Variants in VAT1L observed in about 807,000 individuals in gnomAD.
VAT1L encodes the protein vesicle amine transport 1 like, also known as putative NADPH-dependent quinone oxidoreductase VAT1L.
A neutral mutation model predicts 44.1 loss-of-function variants in VAT1L; 34 were observed. The ratio of observed to expected loss-of-function variants is 0.77; its 90% CI spans 0.59 to 1.03. VAT1L has a LOEUF of 1.03. VAT1L is among the 50% of genes least tolerant of loss of function. VAT1L has a pLI of 0.00. For synonymous variants in VAT1L, 253 were observed against 202.2 expected, an observed-to-expected ratio of 1.25 and a Z score of -2.13; for missense variants, 615 against 538.8, an observed-to-expected ratio of 1.14 and a Z score of -1.40.
chr16:77,903,879 G>C (rs2017410941), intron 7 of VAT1L, among the ~76,000 whole-genome samples: 1 of 151,720 alleles, frequency 6.6e-6, no homozygotes, highest in East Asian at 1.9e-4. Context: ...TGGGACTACA[G>C]GCGTCCACCA....
intron 7 of VAT1L, among the ~76,000 whole-genome samples, chr16:77,944,071 T>C (rs2017927957): frequency 6.6e-6 from 1 of 152,284 alleles, no homozygotes; most frequent in Non-Finnish European, 1.5e-5. Flanking sequence ...GAGGGGCAGC[T>C]GGCAATGTCC....
intron 7 of VAT1L, among the ~76,000 whole-genome samples, chr16:77,887,407 A>G (rs1220114890): frequency 6.6e-6 from 1 of 152,212 alleles, no homozygotes; most frequent in African/African-American, 2.4e-5. Flanking sequence ...CTAGGCAACT[A>G]CAGAAGTCTG....
intron 1 of VAT1L, among the ~76,000 whole-genome samples, chr16:77,806,500 C>T (rs1041339518): frequency 1.3e-5 from 2 of 150,152 alleles, no homozygotes; most frequent in East Asian, 2.0e-4. Context: ...TGAGCCACCA[C>T]GCCCGGCCAA....
chr16:77,964,880 G>A (rs572605884), intron 7 of VAT1L, among the ~76,000 whole-genome samples: 23 of 140,074 alleles, frequency 1.6e-4, no homozygotes, highest in African/African-American at 4.2e-4. Flanking sequence ...CGCAACTTCC[G>A]CCTCCCCGGT....
intron 4 of VAT1L, among the ~76,000 whole-genome samples, 167 bp downstream of exon 4, chr16:77,863,057 A>G (rs1390564845): frequency 6.6e-6 from 1 of 152,226 alleles, no homozygotes; most frequent in Non-Finnish European, 1.5e-5. Context: ...AGTTCATTTA[A>G]TCCTCTTAAC....
intron 7 of VAT1L, among the ~76,000 whole-genome samples, chr16:77,886,356 A>T (rs2017209515): frequency 6.6e-6 from 1 of 152,150 alleles, no homozygotes; most frequent in East Asian, 1.9e-4. Flanking sequence ...AAGGAGAGAA[A>T]ACGGAATCAT....
intron 1 of VAT1L, among the ~76,000 whole-genome samples, chr16:77,789,556 C>A (rs780841172): frequency 2.3e-4 from 35 of 152,172 alleles, no homozygotes; most frequent in Non-Finnish European, 4.6e-4. Flanking sequence ...CTGCCCACTT[C>A]CTTCCCCGTA....
At chr16:77,939,364 T>C (rs769400190) in intron 7 of VAT1L, among the ~76,000 whole-genome samples, 4 of 152,064 alleles carry the variant, frequency 2.6e-5, no homozygotes, top group Non-Finnish European at 5.9e-5. Context: ...TGTTATATCA[T>C]AGCTCAAACC....
chr16:77,955,941 G>T (rs1297055141), intron 7 of VAT1L, among the ~76,000 whole-genome samples: 2 of 152,142 alleles, frequency 1.3e-5, no homozygotes, highest in East Asian at 3.9e-4. Flanking sequence ...TATGAAGCGG[G>T]GTCTAAAGCC....
At chr16:77,950,425 C>T (rs995925190) in intron 7 of VAT1L, among the ~76,000 whole-genome samples, 192 of 146,910 alleles carry the variant, frequency 1.3e-3, no homozygotes, top group African/African-American at 4.1e-3. Flanking sequence ...CACACACACA[C>T]ACACACACAC....
intron 7 of VAT1L, among the ~76,000 whole-genome samples, chr16:77,890,737 A>G (rs2017255806): frequency 6.6e-6 from 1 of 151,408 alleles, no homozygotes; most frequent in Admixed American, 6.6e-5. Flanking sequence ...AGCCTGAGCA[A>G]CATGGTGATA....
intron 4 of VAT1L, among the ~76,000 whole-genome samples, chr16:77,873,119 G>C (rs2017049318): frequency 6.6e-6 from 1 of 152,232 alleles, no homozygotes; most frequent in Non-Finnish European, 1.5e-5. Context: ...TCTCAGAGCT[G>C]CTTGCTAAAG....
At chr16:77,807,865 A>T (rs2016191961) in intron 1 of VAT1L, among the ~76,000 whole-genome samples, 1 of 152,190 alleles carries the variant, frequency 6.6e-6, no homozygotes, top group African/African-American at 2.4e-5. Flanking sequence ...AGAAAGCTAA[A>T]GCTAAAGATC....
intron 3 of VAT1L, among the ~76,000 whole-genome samples, chr16:77,841,288 G>C (rs1237776920): frequency 6.6e-6 from 1 of 152,168 alleles, no homozygotes; most frequent in African/African-American, 2.4e-5. Flanking sequence ...TCACTATTTG[G>C]TCCAGGCTGG....
chr16:77,890,474 C>T (rs1162164509), intron 7 of VAT1L, among the ~76,000 whole-genome samples: 4 of 152,062 alleles, frequency 2.6e-5, no homozygotes, highest in African/African-American at 4.8e-5. Context: ...TTCTCCTTTC[C>T]CTGAGGCCCA....
intron 7 of VAT1L, among the ~76,000 whole-genome samples, chr16:77,908,901 A>G (rs969820725): frequency 6.6e-6 from 1 of 152,060 alleles, no homozygotes; most frequent in Non-Finnish European, 1.5e-5. Flanking sequence ...GCGACAGAGC[A>G]AGACCCCGTC....
intron 1 of VAT1L, among the ~76,000 whole-genome samples, chr16:77,791,313 A>G (rs1204781237): frequency 2.0e-5 from 3 of 152,196 alleles, no homozygotes; most frequent in Non-Finnish European, 4.4e-5. Context: ...ATAATAGGAT[A>G]TGCTTTTTGC....
intron 3 of VAT1L, among the ~76,000 whole-genome samples, chr16:77,834,622 TCTC>T (rs945410504): frequency 2.6e-5 from 4 of 151,994 alleles, no homozygotes; most frequent in African/African-American, 9.7e-5. Context: ...TCCACTCTCT[TCTC>T]CTATCCCCCG....
At chr16:77,854,170 T>C (rs1481647621) in intron 3 of VAT1L, among the ~76,000 whole-genome samples, 1 of 152,016 alleles carries the variant, frequency 6.6e-6, no homozygotes, top group Non-Finnish European at 1.5e-5. Context: ...TTTTGAGCAA[T>C]TGAAAAATGC....
Sources: gnomAD v4.1 joint callset for allele counts (sites outside exome capture counted in the v4.1 genomes callset) on GRCh38, gnomAD v4.1.1 for gene constraint, MANE v1.5 for transcripts, NCBI Gene and HGNC (gene_info 2026-07-23, HGNC 2026-07-21) for gene names.